Variants in TEF observed in about 807,000 individuals in gnomAD.
TEF encodes TEF transcription factor, PAR bZIP family member.
A neutral mutation model predicts 20.8 loss-of-function variants in TEF; 3 were observed. That is an observed-to-expected ratio of 0.14 (90% CI 0.07 to 0.37). The LOEUF is 0.37. Among genes scored for constraint, TEF ranks in the 10% least tolerant of loss-of-function variants. TEF has a pLI of 1.00. For missense variants in TEF, 296 were observed against 397.9 expected, an observed-to-expected ratio of 0.74 and a Z score of 2.18; for synonymous variants, 180 against 171.1, an observed-to-expected ratio of 1.05 and a Z score of -0.41.
chr22:41,382,248 C>A, intron 1 of TEF, 47 bp downstream of exon 1: 1 of 1,085,052 alleles, frequency 9.2e-7, no homozygotes, highest in Non-Finnish European at 1.1e-6. Flanking sequence ...GGGGCTTATA[C>A]AGGGGCGGGG....
At chr22:41,381,261 C>A (rs1443757229), upstream of TEF, among the ~76,000 whole-genome samples, 1 of 152,250 alleles carries the variant, frequency 6.6e-6, no homozygotes, top group African/African-American at 2.4e-5. Context: ...GCCCCGCGAC[C>A]CTGGGCAGAG....
intron 3 of TEF, among the ~76,000 whole-genome samples, chr22:41,395,532 T>C (rs2073167): frequency 0.35 from 53,699 of 151,894 alleles, 11,067 homozygotes; most frequent in Non-Finnish European, 0.48. Context: ...CTCTTCACCA[T>C]GTAACGTACC....
upstream of TEF, chr22:41,381,807 C>T: frequency 2.8e-6 from 3 of 1,061,254 alleles, no homozygotes; most frequent in Non-Finnish European, 2.4e-6. Flanking sequence ...CTGCGCCTGC[C>T]CCTCTCGCAG....
At chr22:41,373,432 A>G (rs1215717379) in intron 1 of TEF, among the ~76,000 whole-genome samples, 2 of 152,206 alleles carry the variant, frequency 1.3e-5, no homozygotes, top group African/African-American at 2.4e-5. Flanking sequence ...TCAACAGTCC[A>G]TGAACATATA....
intron 2 of TEF, among the ~76,000 whole-genome samples, chr22:41,391,271 A>G (rs2037161875): frequency 6.6e-6 from 1 of 152,126 alleles, no homozygotes; most frequent in Non-Finnish European, 1.5e-5. Flanking sequence ...CATTTAGACC[A>G]GATGATTTTT....
intron 2 of TEF, 101 bp downstream of exon 2, chr22:41,387,769 T>C: frequency 1.6e-6 from 2 of 1,218,706 alleles, no homozygotes; most frequent in Non-Finnish European, 2.3e-6. Flanking sequence ...GTCCCTTCTC[T>C]GAGGGGAGGT....
At position 41,394,215 on chromosome 22, in the gene TEF, G is replaced by C. The variant is rs1437818162; in HGVS notation, c.595G>C (p.Glu199Gln). ...DLVLSSVPGG[E>Q]LFNPRKHKFA... ...GGTGCTCTCCAGTGTGCCAGGCGGG[G>C]AGCTCTTCAACCCTCGGAAGCACAA... Residue 199 changes from glutamate (E) to glutamine (Q), a missense_variant, in exon 3 of 4, where the codon GAG becomes CAG. Physicochemically the swap from Glu to Gln is conservative, Grantham distance 29. Transcript: ENST00000266304. The C allele has an allele frequency of 6.2e-7, 1 of 1,614,156 alleles. No individual in the cohort carries two copies. Among genetic ancestry groups the C allele is most frequent in the African/African-American group, 1.3e-5 (1 of 75,038 alleles).
Position 41,396,342 on chromosome 22 carries a change from T to G in TEF, c.*382T>G, listed in dbSNP as rs1601827380. On this transcript the variant is annotated 3_prime_UTR_variant, in exon 4 of 4. Transcript: ENST00000266304. ...GCTGCCGAGGGCTATCTCTGCAGAATGAGTTGTGATCATTGTCACCCTATG... is the reference window on the plus strand; with the variant it reads ...GCTGCCGAGGGCTATCTCTGCAGAAGGAGTTGTGATCATTGTCACCCTATG... 4.8e-6 allele frequency: 1 copy of G among 210,112 alleles called. No homozygotes were observed. The highest frequency in any genetic ancestry group is 9.9e-5 in the South Asian group (1 of 10,076). The allele number at this position is 210,112 out of a possible 1,614,324, so 13.0% of individuals were successfully genotyped here.
At chr22:41,378,304 G>A (rs542822299), upstream of TEF, among the ~76,000 whole-genome samples, 197 of 149,986 alleles carry the variant, frequency 1.3e-3, 3 homozygotes, top group Admixed American at 0.013. Flanking sequence ...GAGTAGCTGG[G>A]ATTACAGGCA....
At position 41,394,127 on chromosome 22, in the gene TEF, C is replaced by T. The variant is rs2037199295; in HGVS notation, c.507C>T (p.Pro169=). 6.2e-7 allele frequency: 1 copy of T among 1,613,996 alleles called. No individual in the cohort carries two copies. The highest frequency in any genetic ancestry group is 1.3e-5 in the African/African-American group (1 of 74,906). ...CCCTGGAGAAGGAGAGGGAGACTCC[C>T]AGTCCCATCGACCCCAATTGTGTGG... ...ESSLEKERET[P]SPIDPNCVEV... is the part of the protein sequence containing the mutation. The change falls in exon 3 of 4, where the codon CCC becomes CCT. Residue 169 remains proline (P), a synonymous_variant. Coordinates refer to ENST00000266304, the MANE Select transcript of TEF (RefSeq NM_003216.4).
intron 2 of TEF, among the ~76,000 whole-genome samples, chr22:41,390,048 C>T (rs983847193): frequency 6.6e-6 from 1 of 151,872 alleles, no homozygotes; most frequent in Non-Finnish European, 1.5e-5. Flanking sequence ...TACAGGTGTG[C>T]GCCACCACTC....
rs984318623 is a variant in TEF at position 41,381,978 on chromosome 22, C to T, written c.-67C>T. ...CCGTGTCGGCAGCTGCAGCGGGTCG[C>T]ACGGCTCCGGCCCATCTCGGGGGGC... On this transcript the variant is annotated 5_prime_UTR_variant, in exon 1 of 4. Transcript: ENST00000266304. 5.7e-6 allele frequency: 7 copies of T among 1,227,490 alleles called. No individual in the cohort carries two copies. The Admixed American group carries it at 2.1e-4, about 37-fold the overall frequency. 76.0% of individuals were successfully genotyped at this position (1,227,490 alleles called of 1,614,324 possible).
intron 2 of TEF, among the ~76,000 whole-genome samples, chr22:41,388,341 G>A (rs2037124648): frequency 6.6e-6 from 1 of 151,876 alleles, no homozygotes; most frequent in African/African-American, 2.4e-5. Flanking sequence ...TGCCATATTT[G>A]TCAGGCTGGT....
intron 2 of TEF, among the ~76,000 whole-genome samples, chr22:41,388,800 G>A (rs6002366): frequency 0.019 from 2,856 of 152,080 alleles, 91 homozygotes; most frequent in African/African-American, 0.065. Flanking sequence ...CTGCCAGTCG[G>A]TATGTCACCC....
chr22:41,391,064 A>C (rs999355751), intron 2 of TEF, among the ~76,000 whole-genome samples: 1 of 152,092 alleles, frequency 6.6e-6, no homozygotes, highest in Non-Finnish European at 1.5e-5. Context: ...GAAACTGCCT[A>C]CAGTTACCAT....
At chr22:41,380,449 C>T (rs41281285), upstream of TEF, among the ~76,000 whole-genome samples, 8,695 of 152,304 alleles carry the variant, frequency 0.057, 388 homozygotes, top group Non-Finnish European at 0.081. Context: ...GTCACCAAGC[C>T]CAGCCCCAGC....
chr22:41,387,356 G>A lies in TEF; in HGVS notation c.163G>A (p.Glu55Lys), dbSNP rs2037110553. 1 of 1,614,178 alleles carries A rather than the reference G, an allele frequency of 6.2e-7. No individual in the cohort carries two copies. The highest frequency in any genetic ancestry group is 2.2e-5 in the East Asian group (1 of 44,888). The change falls in exon 2 of 4, where the codon GAA becomes AAA. Residue 55 changes from glutamate to lysine, a missense_variant. Coordinates refer to ENST00000266304, the MANE Select transcript of TEF (RefSeq NM_003216.4). ...NPPREARLDKEKGKEKLEEDE... is the reference protein window; with the variant it reads ...NPPREARLDKKKGKEKLEEDE... ...CGCAGATTTTGTTTCTGCAGATAAG[G>A]AAAAGGGGAAGGAAAAGCTGGAGGA...
chr22:41,392,724 A>G (rs1406248162), intron 2 of TEF, among the ~76,000 whole-genome samples: 3 of 149,036 alleles, frequency 2.0e-5, no homozygotes, highest in Non-Finnish European at 4.4e-5. Flanking sequence ...ACAGTAACAG[A>G]CATGTCTCAG....
At chr22:41,388,378 C>T (rs1006900812) in intron 2 of TEF, among the ~76,000 whole-genome samples, 10 of 151,780 alleles carry the variant, frequency 6.6e-5, no homozygotes, top group Admixed American at 2.0e-4. Context: ...CTCCATCTCC[C>T]GGATTGAAGC....
Sources: allele counts gnomAD v4.1 joint callset (sites outside exome capture counted in the v4.1 genomes callset), GRCh38; gene constraint gnomAD v4.1.1; transcripts MANE v1.5; gene names NCBI Gene and HGNC (gene_info 2026-07-23, HGNC 2026-07-21).